The following TAFA4 variants were observed in gnomAD, a reference collection of about 807,000 sequenced individuals.
The protein encoded by TAFA4 is chemokine-like protein TAFA-4.
In TAFA4, 20 loss-of-function variants were observed where a neutral mutation model predicts 21.1. The ratio of observed to expected loss-of-function variants is 0.95; its 90% CI spans 0.67 to 1.38. The LOEUF is 1.38. Among genes scored for constraint, TAFA4 ranks in the 40% most tolerant of loss-of-function variants. TAFA4 has a pLI of 0.00. For missense variants in TAFA4, 211 were observed against 180.9 expected (o/e 1.17, Z -0.95); for synonymous variants, 71 against 67.4 (o/e 1.05, Z -0.26).
intron 3 of TAFA4, among the ~76,000 whole-genome samples, chr3:68,849,642 C>T (rs1340462675): frequency 6.6e-6 from 1 of 152,190 alleles, no homozygotes. Context: ...GAACCACCAC[C>T]TAACCAGGTC....
In TAFA4 at chr3:68,783,719, AAG is replaced by A. The variant is rs1553641287; in HGVS notation, c.131-30703_131-30702del. 9.3e-3 allele frequency among the ~76,000 whole-genome samples: 1,305 copies of A among 140,726 alleles called. 5 individuals carry two copies. The highest frequency in any genetic ancestry group is 0.013 in the Non-Finnish European group (847 of 63,530). 92.3% of individuals were successfully genotyped at this position (140,726 alleles called of 152,430 possible). ...AGAGAGAGAGAGAGAAAGAAAAAGA[AAG>A]AAAGAAAGAAAGAAAGAAAGAAAGT... is the stretch of plus-strand genomic sequence containing the variant. On this transcript the variant is annotated intron_variant, in intron 3 of 5. Transcript: ENST00000295569.
chr3:68,852,376 T>C (rs1704970558), intron 3 of TAFA4, among the ~76,000 whole-genome samples: 1 of 152,164 alleles, frequency 6.6e-6, no homozygotes, highest in Non-Finnish European at 1.5e-5. Flanking sequence ...CTGAGCCAAG[T>C]GGGGCCTATT....
In TAFA4 at chr3:68,888,319, TAAC is replaced by T. The variant is rs2089694864; in HGVS notation, c.-122-3012_-122-3010del. Among the ~76,000 whole-genome samples, 3 of 152,260 alleles carry T rather than the reference TAAC, an allele frequency of 2.0e-5. No individual in the cohort carries two copies. The South Asian group carries it at 6.2e-4, about 32-fold the overall frequency. On this transcript the variant is annotated intron_variant, in intron 1 of 5. Transcript: ENST00000295569. ...GAATGGCCCTTACCGTCCATATTTCTAACAACATTCTGATCACAACCTCTTAAG... is the reference window on the plus strand; with the variant it reads ...GAATGGCCCTTACCGTCCATATTTCTAACATTCTGATCACAACCTCTTAAG...
intron 1 of TAFA4, among the ~76,000 whole-genome samples, chr3:68,919,178 A>T (rs2090033881): frequency 6.6e-6 from 1 of 152,198 alleles, no homozygotes; most frequent in African/African-American, 2.4e-5. Flanking sequence ...GCGCCCAAGG[A>T]GCTGTCTGAG....
rs1216856666 is a variant in TAFA4 at position 68,879,272 on chromosome 3, G to C, written c.130+1458C>G. 2.0e-5 allele frequency among the ~76,000 whole-genome samples: 3 copies of C among 152,080 alleles called. No individual in the cohort carries two copies. In the East Asian group the frequency reaches 5.8e-4, roughly 29 times the overall value. On this transcript the variant is annotated intron_variant, in intron 3 of 5. Transcript: ENST00000295569. Reference sequence around the variant, plus strand: ...GTGAAAATCTGACCAGAGTTTCTCAGGATCTCGGTGCACTGCCCCAATTAA... The same window carrying C: ...GTGAAAATCTGACCAGAGTTTCTCACGATCTCGGTGCACTGCCCCAATTAA...
At chr3:68,879,229 T>C (rs1234806607) in intron 3 of TAFA4, among the ~76,000 whole-genome samples, 4 of 152,094 alleles carry the variant, frequency 2.6e-5, no homozygotes, top group African/African-American at 9.6e-5. Context: ...AGACTTCCTA[T>C]AATATACCCA....
intron 3 of TAFA4, among the ~76,000 whole-genome samples, chr3:68,779,732 G>C (rs150769251): frequency 6.6e-6 from 1 of 152,246 alleles, no homozygotes; most frequent in Admixed American, 6.5e-5. Context: ...CCAGGCAGAA[G>C]TTTGCTGCAG....
intron 3 of TAFA4, among the ~76,000 whole-genome samples, chr3:68,771,419 G>A (rs1702954980): frequency 6.6e-6 from 1 of 152,200 alleles, no homozygotes; most frequent in South Asian, 2.1e-4. Flanking sequence ...TGCTCCCCAT[G>A]GCCTCTGTAT....
intron 3 of TAFA4, among the ~76,000 whole-genome samples, chr3:68,774,850 G>C (rs1559516908): frequency 6.6e-6 from 1 of 152,112 alleles, no homozygotes; most frequent in South Asian, 2.1e-4. Flanking sequence ...TCTGTGAAAA[G>C]GAAATTGTGT....
intron 3 of TAFA4, among the ~76,000 whole-genome samples, chr3:68,791,732 A>G (rs1018494308): frequency 6.6e-6 from 1 of 152,230 alleles, no homozygotes; most frequent in Admixed American, 6.5e-5. Flanking sequence ...TTCAAAGACT[A>G]CAAGGTAAAT....
At chr3:68,929,749 GTTA>G (rs1200967751) in intron 1 of TAFA4, among the ~76,000 whole-genome samples, 2 of 152,210 alleles carry the variant, frequency 1.3e-5, no homozygotes, top group Non-Finnish European at 2.9e-5. Context: ...ATCTGAGAAT[GTTA>G]TTATTAAGCT....
chr3:68,906,086 T>C lies in TAFA4; in HGVS notation c.-122-20776A>G, dbSNP rs116518108. On this transcript the variant is annotated intron_variant, in intron 1 of 5. Transcript: ENST00000295569. ...AAGAAAAGGAGCAAGTGGGAATGCA[T>C]AGACATGAAGTGAAATAATGTTGTA... Among the ~76,000 whole-genome samples, 1,492 of 152,308 alleles carry C rather than the reference T, an allele frequency of 9.8e-3. 21 individuals carry two copies. The highest frequency in any genetic ancestry group is 0.034 in the African/African-American group (1,418 of 41,566).
At chr3:68,902,778 C>T (rs933108309) in intron 1 of TAFA4, among the ~76,000 whole-genome samples, 1 of 152,114 alleles carries the variant, frequency 6.6e-6, no homozygotes, top group Non-Finnish European at 1.5e-5. Flanking sequence ...TGAGAAACAA[C>T]CAGAACCTTA....
At chr3:68,903,297 G>T (rs1262651113) in intron 1 of TAFA4, among the ~76,000 whole-genome samples, 1 of 151,558 alleles carries the variant, frequency 6.6e-6, no homozygotes, top group Non-Finnish European at 1.5e-5. Context: ...CATAAACCGG[G>T]ATGAGAAAAA....
chr3:68,747,289 C>G (rs149506179), intron 4 of TAFA4, among the ~76,000 whole-genome samples: 2 of 152,262 alleles, frequency 1.3e-5, no homozygotes, highest in African/African-American at 4.8e-5. Flanking sequence ...CGGTTTGGCT[C>G]TGCCCCTACC....
At chr3:68,782,878 A>C (rs1169697477) in intron 3 of TAFA4, among the ~76,000 whole-genome samples, 1 of 152,254 alleles carries the variant, frequency 6.6e-6, no homozygotes, top group Non-Finnish European at 1.5e-5. Context: ...TGAACACCTT[A>C]AAGTTGTTTT....
chr3:68,807,793 G>C (rs1309959627), intron 3 of TAFA4, among the ~76,000 whole-genome samples: 1 of 152,084 alleles, frequency 6.6e-6, no homozygotes, highest in African/African-American at 2.4e-5. Context: ...AGATTGCTTT[G>C]TATTAAGTTC....
chr3:68,831,226 C>T (rs1184581092), intron 3 of TAFA4, among the ~76,000 whole-genome samples: 1 of 152,130 alleles, frequency 6.6e-6, no homozygotes, highest in Non-Finnish European at 1.5e-5. Context: ...TTGATCCTGT[C>T]ATTATGATGC....
intron 3 of TAFA4, among the ~76,000 whole-genome samples, chr3:68,871,664 A>T (rs1163202790): frequency 6.6e-6 from 1 of 152,152 alleles, no homozygotes; most frequent in African/African-American, 2.4e-5. Context: ...ACAATCAATT[A>T]ATAAGCAGCA....
Sources: gnomAD v4.1 joint callset for allele counts (sites outside exome capture counted in the v4.1 genomes callset) on GRCh38, gnomAD v4.1.1 for gene constraint, MANE v1.5 for transcripts, NCBI Gene and HGNC (gene_info 2026-07-23, HGNC 2026-07-21) for gene names.